Variants in CDC42SE2 observed in about 807,000 individuals in gnomAD.
CDC42SE2 encodes CDC42 small effector 2.
Under a neutral mutation model 11.5 loss-of-function variants are expected in CDC42SE2, and 3 were observed. That is an observed-to-expected ratio of 0.26 (90% confidence interval 0.12 to 0.67). The LOEUF (loss-of-function observed/expected upper bound fraction) is 0.67, where lower values mean the gene tolerates loss of function less well. Among genes scored for constraint, CDC42SE2 ranks in the 30% least tolerant of loss-of-function variants. CDC42SE2 has a pLI of 0.80. For synonymous variants in CDC42SE2, 33 were observed against 34.8 expected (o/e 0.95, Z 0.18); for missense variants, 82 against 106.8 (o/e 0.77, Z 1.02).
Position 131,355,741 on chromosome 5 carries a change from A to G in CDC42SE2, c.-285-3468A>G, listed in dbSNP as rs369853482. On this transcript the variant is annotated intron_variant, in intron 2 of 4. Coordinates refer to ENST00000505065, the MANE Select transcript of CDC42SE2 (RefSeq NM_001375635.1). ...AGTTACCTGACATGCCCCACTGTCTAGTTTTTCACATCAAAACATTATTAT... is the reference window on the plus strand; with the variant it reads ...AGTTACCTGACATGCCCCACTGTCTGGTTTTTCACATCAAAACATTATTAT... Among the ~76,000 whole-genome samples, 28 of 152,156 alleles carry G rather than the reference A, an allele frequency of 1.8e-4. 1 individual carries two copies. The South Asian group carries it at 5.4e-3, about 29-fold the overall frequency.
At chr5:131,213,082 A>G in the CDC42SE2 span, among the ~76,000 whole-genome samples, 1 of 152,060 alleles carries the variant, frequency 6.6e-6, no homozygotes, top group East Asian at 1.9e-4. Flanking sequence ...CCCAGCTACT[A>G]CACGGGAGGC....
chr5:131,279,929 T>G (rs1321652959), intron 1 of CDC42SE2, among the ~76,000 whole-genome samples: 5 of 152,080 alleles, frequency 3.3e-5, no homozygotes, highest in African/African-American at 1.2e-4. Context: ...AAAAATTAGC[T>G]GGGCATGAGT....
chr5:131,385,670 G>A (rs747989072), intron 4 of CDC42SE2, 26 bp downstream of exon 4: 16 of 1,426,294 alleles, frequency 1.1e-5, no homozygotes, highest in African/African-American at 8.4e-5. Context: ...GGACATGCAG[G>A]TAGGGCATTG....
chr5:131,309,296 C>T (rs1314072626), intron 1 of CDC42SE2, among the ~76,000 whole-genome samples: 1 of 150,734 alleles, frequency 6.6e-6, no homozygotes, highest in Non-Finnish European at 1.5e-5. Context: ...GGGATGAAGC[C>T]CACTTGATCA....
At chr5:131,262,811 C>T (rs1363379297), upstream of CDC42SE2, among the ~76,000 whole-genome samples, 1 of 151,592 alleles carries the variant, frequency 6.6e-6, no homozygotes, top group Non-Finnish European at 1.5e-5. Flanking sequence ...TTTTTTTTCC[C>T]AAATATTTTC....
At chr5:131,272,404 CT>C (rs957458577) in intron 1 of CDC42SE2, among the ~76,000 whole-genome samples, 104 of 152,228 alleles carry the variant, frequency 6.8e-4, no homozygotes, top group African/African-American at 2.5e-3. Context: ...TCTAGCCTCC[CT>C]TTTTTCCTCT....
rs1756577280 is a variant in CDC42SE2 at position 131,245,833 on chromosome 5, C to T, written n.107+234C>T. Among the ~76,000 whole-genome samples the T allele has an allele frequency of 2.0e-5, 3 of 152,128 alleles. No individual in the cohort carries two copies. In the South Asian group the frequency reaches 6.2e-4, roughly 31 times the overall value. On this transcript the variant is annotated intron_variant and non_coding_transcript_variant, in intron 1 of 3. Coordinates refer to the CDC42SE2 transcript ENST00000502840. The stretch of plus-strand genomic sequence containing the variant: ...TTTATGTTTTATCTTTAACCATAAA[C>T]TTGACTTTTATTTTAGTCTATTGTT...
At chr5:131,308,574 T>C (rs1757828501) in intron 1 of CDC42SE2, among the ~76,000 whole-genome samples, 1 of 152,004 alleles carries the variant, frequency 6.6e-6, no homozygotes, top group African/African-American at 2.4e-5. Context: ...TTCCTACCCA[T>C]GAGCATGGAG....
intron 1 of CDC42SE2, among the ~76,000 whole-genome samples, chr5:131,287,248 G>A (rs1479816589): frequency 6.6e-6 from 1 of 152,136 alleles, no homozygotes. Flanking sequence ...ACCCGCCTTG[G>A]CCTCCCAAAG....
chr5:131,303,689 T>C (rs566720352), intron 1 of CDC42SE2, among the ~76,000 whole-genome samples: 3 of 152,250 alleles, frequency 2.0e-5, no homozygotes, highest in South Asian at 4.1e-4. Flanking sequence ...ATTCCACTTT[T>C]AGGCAGCAGT....
At chr5:131,271,571 G>T (rs1756995864) in intron 1 of CDC42SE2, among the ~76,000 whole-genome samples, 1 of 151,994 alleles carries the variant, frequency 6.6e-6, no homozygotes, top group Non-Finnish European at 1.5e-5. Context: ...CTGGGGATTT[G>T]GGCCAGGGTG....
intron 1 of CDC42SE2, among the ~76,000 whole-genome samples, chr5:131,297,844 G>C (rs887195047): frequency 6.6e-6 from 1 of 152,004 alleles, no homozygotes; most frequent in Non-Finnish European, 1.5e-5. Flanking sequence ...CGACAAATCA[G>C]CATCTTGGTT....
chr5:131,269,497 G>A (rs550888923), intron 1 of CDC42SE2, among the ~76,000 whole-genome samples: 1 of 152,260 alleles, frequency 6.6e-6, no homozygotes, highest in East Asian at 1.9e-4. Flanking sequence ...GGCCGGGCGT[G>A]GTGGCTCATT....
intron 2 of CDC42SE2, among the ~76,000 whole-genome samples, chr5:131,327,833 A>T (rs1301995300): frequency 6.6e-6 from 1 of 152,326 alleles, no homozygotes; most frequent in East Asian, 1.9e-4. Flanking sequence ...TATGTGATAT[A>T]CATACAAACA....
At chr5:131,303,603 AATC>A (rs1023767142) in intron 1 of CDC42SE2, among the ~76,000 whole-genome samples, 2 of 152,184 alleles carry the variant, frequency 1.3e-5, no homozygotes, top group African/African-American at 2.4e-5. Context: ...AGTTTGTCTA[AATC>A]ATCTATCAGT....
intron 2 of CDC42SE2, among the ~76,000 whole-genome samples, chr5:131,335,797 CT>C (rs1250441493): frequency 2.6e-5 from 4 of 152,180 alleles, no homozygotes; most frequent in African/African-American, 9.6e-5. Flanking sequence ...CAACCCCTGC[CT>C]TTTTTTGTTT....
intron 1 of CDC42SE2, among the ~76,000 whole-genome samples, chr5:131,252,089 G>GAAGGAAGGAAGA (rs1233450379): frequency 2.6e-5 from 4 of 150,956 alleles, no homozygotes; most frequent in African/African-American, 4.9e-5. Flanking sequence ...AGGAAGGAAG[G>GAAGGAAGGAAGA]AAGGAAGGAA....
the CDC42SE2 span, among the ~76,000 whole-genome samples, chr5:131,227,568 ATTAAT>A: frequency 6.6e-5 from 10 of 152,262 alleles, no homozygotes; most frequent in Admixed American, 5.9e-4. Context: ...AAAATTGAAC[ATTAAT>A]TTATAGAATT....
chr5:131,326,239 G>A (rs1758298876), intron 2 of CDC42SE2, among the ~76,000 whole-genome samples: 1 of 152,136 alleles, frequency 6.6e-6, no homozygotes, highest in Admixed American at 6.5e-5. Context: ...AGAGTAGCTG[G>A]GACTAAGGGC....
Sources: gnomAD v4.1 joint callset for allele counts (sites outside exome capture counted in the v4.1 genomes callset) on GRCh38, gnomAD v4.1.1 for gene constraint, MANE v1.5 for transcripts, NCBI Gene and HGNC (gene_info 2026-07-23, HGNC 2026-07-21) for gene names.